The following LIMA1 variants were observed in gnomAD, a reference collection of about 807,000 sequenced individuals.
LIMA1 encodes LIM domain and actin binding 1, also known as LIM domain and actin-binding protein 1.
LIMA1 carries 52 observed loss-of-function variants against 62.6 expected under a neutral mutation model. The observed-to-expected ratio is 0.83, with a 90% CI of 0.67 to 1.05. The LOEUF is 1.05. Among genes scored for constraint, LIMA1 ranks in the 50% least tolerant of loss-of-function variants. The probability of loss-of-function intolerance (pLI) is 0.00; values close to 1 mark genes in which losing one functional copy is unlikely to be tolerated. For synonymous variants in LIMA1, 302 were observed against 317.8 expected (o/e 0.95, Z 0.53); for missense variants, 780 against 902.2 (o/e 0.86, Z 1.74).
Position 50,222,219 on chromosome 12 carries a change from G to T in LIMA1, c.432C>A (p.His144Gln), listed in dbSNP as rs565581169. 1 of 1,614,180 alleles carries T rather than the reference G, an allele frequency of 6.2e-7. No individual in the cohort carries two copies. Among genetic ancestry groups the T allele is most frequent in the Non-Finnish European group, 8.5e-7 (1 of 1,180,032 alleles). ...PEALVQGRYP[H>Q]IKDGEDLKDH... ...CTTTAAGATCCTCACCGTCCTTGAT[G>T]TGGGGATATCGACCCTGAACGAGGG... is the stretch of plus-strand genomic sequence containing the variant. The change falls in exon 4 of 11, where the codon CAC (histidine) becomes CAA (glutamine). Residue 144 changes from histidine (H) to glutamine (Q), a missense_variant. Transcript: ENST00000341247.
At chr12:50,193,555 CAT>C (rs1229366180) in intron 8 of LIMA1, among the ~76,000 whole-genome samples, 22 of 108,352 alleles carry the variant, frequency 2.0e-4, no homozygotes, top group South Asian at 8.2e-4. Flanking sequence ...ACATATATAT[CAT>C]ATATGTATAT....
At position 50,196,005 on chromosome 12, in the gene LIMA1, C is replaced by T. The variant is rs569341780; in HGVS notation, c.973-118G>A. ...GCTGACTCCAGTCAGTCACTGGCTG[C>T]CTAGGGGAAATAACGGGCACCAGAA... On this transcript the variant is annotated intron_variant, in intron 7 of 10. Coordinates refer to ENST00000341247, the MANE Select transcript of LIMA1 (RefSeq NM_016357.5). 2.5e-5 allele frequency: 26 copies of T among 1,041,908 alleles called. No individual in the cohort carries two copies. The African/African-American group carries it at 4.1e-4, about 16-fold the overall frequency. 64.5% of individuals were successfully genotyped at this position (1,041,908 alleles called of 1,614,324 possible).
intron 1 of LIMA1, among the ~76,000 whole-genome samples, chr12:50,269,664 A>T (rs932431654): frequency 6.6e-6 from 1 of 152,094 alleles, no homozygotes; most frequent in African/African-American, 2.4e-5. Flanking sequence ...TCATGCCTGT[A>T]ATCTCAGCAC....
chr12:50,219,256 A>G (rs1941402448), intron 4 of LIMA1, among the ~76,000 whole-genome samples: 1 of 152,162 alleles, frequency 6.6e-6, no homozygotes. Context: ...GGCTTGAGGC[A>G]GGCAGATCAC....
intron 1 of LIMA1, among the ~76,000 whole-genome samples, chr12:50,249,249 G>A (rs1371541052): frequency 6.6e-6 from 1 of 152,200 alleles, no homozygotes; most frequent in Non-Finnish European, 1.5e-5. Context: ...GCAGCGTGGT[G>A]TAATAGGAAG....
chr12:50,218,906 A>AAC (rs1325067887), intron 4 of LIMA1, among the ~76,000 whole-genome samples: 7 of 137,294 alleles, frequency 5.1e-5, no homozygotes, highest in African/African-American at 2.0e-4. Flanking sequence ...AAAAAAAAAA[A>AAC]AAACAAAAAC....
Position 50,177,914 on chromosome 12 carries a change from C to G in LIMA1, c.1430G>C (p.Arg477Thr). Residue 477 changes from arginine (R) to threonine (T), a missense_variant, in exon 11 of 11, where the codon AGA becomes ACA. Transcript: ENST00000341247. Reference protein sequence around the residue: ...SKNENEEILERPAQLANARET... With the variant: ...SKNENEEILETPAQLANARET... ...CCTTGCATTTGCAAGCTGGGCTGGTCTCTCCAAAATCTCTTCGTTTTCATT... is the reference window on the plus strand; with the variant it reads ...CCTTGCATTTGCAAGCTGGGCTGGTGTCTCCAAAATCTCTTCGTTTTCATT... 3 of 1,614,070 alleles carry G rather than the reference C, an allele frequency of 1.9e-6. No homozygotes were observed. Among genetic ancestry groups the G allele is most frequent in the Non-Finnish European group, 2.5e-6 (3 of 1,179,994 alleles).
At chr12:50,247,604 A>AATTATTATTATTATTATT (rs111550387) in intron 2 of LIMA1, among the ~76,000 whole-genome samples, 9,259 of 140,510 alleles carry the variant, frequency 0.066, 403 homozygotes, top group African/African-American at 0.11. Context: ...TAAATGCTGG[A>AATTATTATTATTATTATT]ATTATTATTA....
At chr12:50,240,002 A>C (rs1349396418) in intron 2 of LIMA1, among the ~76,000 whole-genome samples, 2 of 85,430 alleles carry the variant, frequency 2.3e-5, no homozygotes, top group Non-Finnish European at 4.9e-5. Context: ...TCAAAATAAC[A>C]TAACATAACA....
chr12:50,193,916 T>A, intron 8 of LIMA1, among the ~76,000 whole-genome samples: 1 of 149,600 alleles, frequency 6.7e-6, no homozygotes. Flanking sequence ...ACTGCCTGCC[T>A]CAACCTCACG....
At chr12:50,221,085 T>C (rs1052946727) in intron 4 of LIMA1, among the ~76,000 whole-genome samples, 1 of 152,214 alleles carries the variant, frequency 6.6e-6, no homozygotes, top group Non-Finnish European at 1.5e-5. Context: ...TCAGAAAGAA[T>C]GCTTAATATT....
At chr12:50,274,772 A>G (rs190891860) in intron 1 of LIMA1, among the ~76,000 whole-genome samples, 2 of 152,258 alleles carry the variant, frequency 1.3e-5, no homozygotes, top group East Asian at 3.9e-4. Context: ...AGTGAATGAC[A>G]TTTGAACTGA....
At chr12:50,184,636 T>C (rs1940585435) in intron 9 of LIMA1, among the ~76,000 whole-genome samples, 1 of 152,132 alleles carries the variant, frequency 6.6e-6, no homozygotes, top group Non-Finnish European at 1.5e-5. Flanking sequence ...GGCAAGACTC[T>C]GTCTCAAAAC....
At chr12:50,204,258 T>C (rs560090306) in intron 6 of LIMA1, 3 of 267,276 alleles carry the variant, frequency 1.1e-5, no homozygotes, top group Non-Finnish European at 2.1e-5. Context: ...AAAATACTAC[T>C]TCTTTAACAA....
intron 4 of LIMA1, 70 bp downstream of exon 4, chr12:50,221,951 A>G (rs1941448725): frequency 3.0e-6 from 4 of 1,344,422 alleles, no homozygotes; most frequent in Non-Finnish European, 4.1e-6. Context: ...CAAAATAGCT[A>G]GATTGGAAAA....
intron 6 of LIMA1, 26 bp from the exon 7 acceptor site, chr12:50,200,910 A>C: frequency 6.2e-7 from 1 of 1,608,818 alleles, no homozygotes; most frequent in Non-Finnish European, 8.5e-7. Context: ...AACTGTAAAA[A>C]TTTTTTTAAA....
chr12:50,204,335 G>T (rs1227861423), intron 6 of LIMA1: 3 of 435,560 alleles, frequency 6.9e-6, no homozygotes, highest in Non-Finnish European at 1.2e-5. Flanking sequence ...CACAAAAAAA[G>T]TGAGTGGGGT....
At chr12:50,251,386 C>T (rs141212903) in intron 1 of LIMA1, among the ~76,000 whole-genome samples, 9 of 151,960 alleles carry the variant, frequency 5.9e-5, no homozygotes, top group African/African-American at 1.7e-4. Flanking sequence ...TTTGGGAGGC[C>T]GAGGCAGGCA....
At position 50,226,770 on chromosome 12, in the gene LIMA1, C is replaced by T. The variant is rs147199828; in HGVS notation, c.166-4285G>A. The stretch of plus-strand genomic sequence containing the variant: ...AGGAGAATCGCTTGAACCCGGGAGG[C>T]GGAGGTTGCAGTGAGCTGCGATCAT... On this transcript the variant is annotated intron_variant, in intron 3 of 10. Transcript: ENST00000341247. Among the ~76,000 whole-genome samples the T allele has an allele frequency of 6.2e-3, 922 of 149,334 alleles. 22 individuals are homozygous for T. Among genetic ancestry groups the T allele is most frequent in the East Asian group, 0.047 (239 of 5,078 alleles).
Sources: allele counts gnomAD v4.1 joint callset (sites outside exome capture counted in the v4.1 genomes callset), GRCh38; gene constraint gnomAD v4.1.1; transcripts MANE v1.5; gene names NCBI Gene and HGNC (gene_info 2026-07-23, HGNC 2026-07-21).